Variants in VIRMA observed in about 807,000 individuals in gnomAD.
The protein encoded by VIRMA is vir like m6A methyltransferase associated, also known as protein virilizer homolog.
A neutral mutation model predicts 182.4 loss-of-function variants in VIRMA; 65 were observed. The observed-to-expected ratio is 0.36, with a 90% CI of 0.29 to 0.44. The LOEUF is 0.44. Among genes scored for constraint, VIRMA ranks in the 20% least tolerant of loss-of-function variants. VIRMA has a pLI of 1.00. For synonymous variants in VIRMA, 709 were observed against 743.1 expected, an observed-to-expected ratio of 0.95 and a Z score of 0.75; for missense variants, 1,752 against 2,158.1, an observed-to-expected ratio of 0.81 and a Z score of 3.73.
chr8:94,492,635 A>G lies in VIRMA; in HGVS notation c.4808+17T>C. 2 of 1,601,722 alleles carry G rather than the reference A, an allele frequency of 1.2e-6. No individual in the cohort carries two copies. Among genetic ancestry groups the G allele is most frequent in the Non-Finnish European group, 1.7e-6 (2 of 1,169,924 alleles). On this transcript the variant is annotated intron_variant, in intron 21 of 23. Transcript: ENST00000297591. ...TTATGTGATGACATTTGAGATCTTC[A>G]GTGGAATAAATTTTACCTTGACGTT... is the stretch of plus-strand genomic sequence containing the variant.
chr8:94,499,242 C>T, intron 17 of VIRMA, 132 bp downstream of exon 17: 1 of 543,560 alleles, frequency 1.8e-6, no homozygotes, highest in Non-Finnish European at 3.0e-6. Context: ...CCCAAGAGAT[C>T]CTCCCACCTC....
At position 94,492,607 on chromosome 8, in the gene VIRMA, A is replaced by C. The variant is rs1486645737; in HGVS notation, c.4808+45T>G. 2.6e-6 allele frequency: 4 copies of C among 1,537,816 alleles called. No homozygotes were observed. In the African/African-American group the frequency reaches 4.1e-5, roughly 16 times the overall value. On this transcript the variant is annotated intron_variant, in intron 21 of 23. Transcript: ENST00000297591. ...ATCTTAAAATATACTAAAATACATAAGCTTATGTGATGACATTTGAGATCT... is the reference window on the plus strand; with the variant it reads ...ATCTTAAAATATACTAAAATACATACGCTTATGTGATGACATTTGAGATCT...
At chr8:94,495,050 G>A (rs1302982512) in intron 19 of VIRMA, 94 bp from the exon 20 acceptor site, 1 of 820,220 alleles carries the variant, frequency 1.2e-6, no homozygotes, top group Non-Finnish European at 2.1e-6. Context: ...TACCCAGCTG[G>A]AGCGCAGTGG....
At chr8:94,551,168 T>C (rs1045307067) in intron 1 of VIRMA, among the ~76,000 whole-genome samples, 1 of 152,234 alleles carries the variant, frequency 6.6e-6, no homozygotes, top group Non-Finnish European at 1.5e-5. Flanking sequence ...TAACTACAAC[T>C]GTGAAATATT....
At position 94,487,824 on chromosome 8, in the gene VIRMA, A is replaced by G. The variant is rs922399226; in HGVS notation, c.*882T>C. ...TATGTATAAAGTCCAGCTTTATTAG[A>G]TGTTTCTGATTCCCAAAATAATAGT... On this transcript the variant is annotated 3_prime_UTR_variant, in exon 24 of 24. Transcript: ENST00000297591. 6.6e-6 allele frequency: 1 copy of G among 151,546 alleles called. No homozygotes were observed. 9.4% of individuals were successfully genotyped at this position (151,546 alleles called of 1,614,324 possible).
chr8:94,545,304 A>T (rs12334783), intron 1 of VIRMA, among the ~76,000 whole-genome samples: 1 of 152,176 alleles, frequency 6.6e-6, no homozygotes, highest in Non-Finnish European at 1.5e-5. Context: ...CTATTACTTC[A>T]GTCAACTGTT....
chr8:94,522,461 C>T (rs1368285412), intron 8 of VIRMA, among the ~76,000 whole-genome samples: 2 of 152,238 alleles, frequency 1.3e-5, no homozygotes, highest in East Asian at 3.9e-4. Flanking sequence ...GGGAACCTGA[C>T]ATAGGACAAT....
At chr8:94,504,688 G>C (rs996824237) in intron 16 of VIRMA, among the ~76,000 whole-genome samples, 10 of 152,296 alleles carry the variant, frequency 6.6e-5, no homozygotes, top group South Asian at 2.1e-4. Flanking sequence ...AGAAATGATA[G>C]TGGCCTGGAT....
intron 23 of VIRMA, 69 bp downstream of exon 23, chr8:94,489,870 A>G: frequency 1.3e-6 from 2 of 1,530,252 alleles, no homozygotes; most frequent in South Asian, 1.2e-5. Flanking sequence ...TCTGTATATG[A>G]TATCAACAAT....
At chr8:94,513,867 G>C (rs1018816802) in intron 11 of VIRMA, among the ~76,000 whole-genome samples, 1 of 152,144 alleles carries the variant, frequency 6.6e-6, no homozygotes, top group African/African-American at 2.4e-5. Flanking sequence ...TAAGAACACG[G>C]AAGAATATGA....
chr8:94,492,836 A>G lies in VIRMA; in HGVS notation c.4642-18T>C, dbSNP rs776922095. 72 of 1,584,596 alleles carry G rather than the reference A, an allele frequency of 4.5e-5. No homozygotes were observed. Among genetic ancestry groups the G allele is most frequent in the Non-Finnish European group, 6.1e-5 (71 of 1,157,430 alleles). Reference sequence around the variant, plus strand: ...ACCTTTACCTGCAGTCATAATAATGAAACAAAACACATATTAAATGTAATT... The same window carrying G: ...ACCTTTACCTGCAGTCATAATAATGGAACAAAACACATATTAAATGTAATT... On this transcript the variant is annotated intron_variant, in intron 20 of 23. Coordinates refer to ENST00000297591, the MANE Select transcript of VIRMA (RefSeq NM_015496.5).
In VIRMA at chr8:94,547,902, G is replaced by A. The variant is rs1038931973; in HGVS notation, c.64-3960C>T. On this transcript the variant is annotated intron_variant, in intron 1 of 23. Coordinates refer to ENST00000297591, the MANE Select transcript of VIRMA (RefSeq NM_015496.5). ...AAAAAAAAACTTTAAAAACTAGACG[G>A]GCATGGTGGTGTGCACCTATAGTCC... Among the ~76,000 whole-genome samples, 4 of 149,468 alleles carry A rather than the reference G, an allele frequency of 2.7e-5. 1 individual carries two copies. The highest frequency in any genetic ancestry group is 5.0e-5 in the African/African-American group (2 of 39,682).
At position 94,531,885 on chromosome 8, in the gene VIRMA, T is replaced by C. The variant is rs116976662; in HGVS notation, c.485-800A>G. Among the ~76,000 whole-genome samples the C allele has an allele frequency of 7.2e-3, 1,104 of 152,336 alleles. 5 individuals are homozygous for C. Among genetic ancestry groups the C allele is most frequent in the Non-Finnish European group, 0.011 (753 of 68,024 alleles). ...AACAACAAACTATTTATATATAATA[T>C]GTTGAAGTTCAAGGAAATTATGCTG... On this transcript the variant is annotated intron_variant, in intron 5 of 23. Coordinates refer to ENST00000297591, the MANE Select transcript of VIRMA (RefSeq NM_015496.5).
intron 1 of VIRMA, among the ~76,000 whole-genome samples, chr8:94,553,075 G>A (rs1273949726): frequency 6.6e-6 from 1 of 152,116 alleles, no homozygotes; most frequent in African/African-American, 2.4e-5. Flanking sequence ...AACGCCATCT[G>A]AGGTAAACCT....
rs1814977619 is a variant in VIRMA at position 94,526,571 on chromosome 8, T to C, written c.1673A>G (p.His558Arg). 1.9e-6 allele frequency: 3 copies of C among 1,613,724 alleles called. No homozygotes were observed. The highest frequency in any genetic ancestry group is 2.5e-6 in the Non-Finnish European group (3 of 1,179,964). ...TAGSAILQKC[H>R]FYEVLSEIKR... ...AATCTCTGACAAGACTTCATAGAAA[T>C]GGCATTTTTGGAGAATAGCTGAACC... Residue 558 changes from histidine to arginine, a missense_variant, in exon 8 of 24, where the codon CAT becomes CGT. By Grantham distance (29) the His-to-Arg change is conservative. Transcript: ENST00000297591.
intron 1 of VIRMA, 40 bp from the exon 2 acceptor site, chr8:94,543,982 C>G: frequency 9.9e-7 from 1 of 1,011,126 alleles, no homozygotes; most frequent in East Asian, 2.4e-5. Context: ...GGGTTCGGAA[C>G]ATTATGTAAA....
intron 15 of VIRMA, among the ~76,000 whole-genome samples, chr8:94,508,411 T>C (rs983397767): frequency 6.6e-6 from 1 of 152,168 alleles, no homozygotes; most frequent in Non-Finnish European, 1.5e-5. Flanking sequence ...TACAAGAGCA[T>C]TTTTCATTAT....
chr8:94,491,914 TAA>T lies in VIRMA; in HGVS notation c.4809-7_4809-6del, dbSNP rs755056305. The T allele has an allele frequency of 1.6e-5, 24 of 1,522,796 alleles. 1 individual carries two copies. The South Asian group carries it at 3.1e-4, about 20-fold the overall frequency. The allele number at this position is 1,522,796 out of a possible 1,614,324, so 94.3% of individuals were successfully genotyped here. ...TCAATGTATTCAGATTTTCCACTATTAAAACAAAAACATGCCATAAAACATTT... is the reference window on the plus strand; with the variant it reads ...TCAATGTATTCAGATTTTCCACTATTAACAAAAACATGCCATAAAACATTT... On this transcript the variant is annotated splice_polypyrimidine_tract_variant and splice_region_variant and intron_variant, in intron 21 of 23. Coordinates refer to ENST00000297591, the MANE Select transcript of VIRMA (RefSeq NM_015496.5).
chr8:94,492,977 G>T (rs1489068411), intron 20 of VIRMA, among the ~76,000 whole-genome samples, 159 bp from the exon 21 acceptor site: 1 of 152,056 alleles, frequency 6.6e-6, no homozygotes, highest in Non-Finnish European at 1.5e-5. Context: ...AATGGCATTG[G>T]TAGTTTAAAA....
Sources: allele counts gnomAD v4.1 joint callset (sites outside exome capture counted in the v4.1 genomes callset), GRCh38; gene constraint gnomAD v4.1.1; transcripts MANE v1.5; gene names NCBI Gene and HGNC (gene_info 2026-07-23, HGNC 2026-07-21).